Variants in FRAS1 observed in about 807,000 individuals in gnomAD.
The protein encoded by FRAS1 is extracellular matrix organizing protein FRAS1.
Under a neutral mutation model 435.2 loss-of-function variants are expected in FRAS1, and 290 were observed. That is an observed-to-expected ratio of 0.67 (90% CI 0.61 to 0.73). The LOEUF is 0.73. Among genes scored for constraint, FRAS1 ranks in the 30% least tolerant of loss-of-function variants. The pLI is 0.00. For synonymous variants in FRAS1, 1,800 were observed against 1,851.0 expected (o/e 0.97, Z 0.71); for missense variants, 4,860 against 5,001.5 (o/e 0.97, Z 0.85).
intron 2 of FRAS1, among the ~76,000 whole-genome samples, chr4:78,217,454 C>T (rs1460094136): frequency 1.3e-5 from 2 of 152,086 alleles, no homozygotes; most frequent in Non-Finnish European, 2.9e-5. Context: ...CTGTGCGGGA[C>T]TGCCAGAGCT....
chr4:78,337,559 A>G, intron 19 of FRAS1, 115 bp from the exon 20 acceptor site: 1 of 1,242,430 alleles, frequency 8.0e-7, no homozygotes, highest in Non-Finnish European at 1.1e-6. Context: ...GAATCTTCTA[A>G]AGATGATTAG....
intron 24 of FRAS1, among the ~76,000 whole-genome samples, chr4:78,373,723 C>T (rs549751267): frequency 3.9e-5 from 6 of 151,918 alleles, no homozygotes; most frequent in East Asian, 3.9e-4. Context: ...TGCGGTGAGC[C>T]GAGATTGTGC....
intron 15 of FRAS1, among the ~76,000 whole-genome samples, chr4:78,312,092 CCT>C (rs1350214252): frequency 1.3e-5 from 2 of 150,584 alleles, no homozygotes; most frequent in Non-Finnish European, 3.0e-5. Context: ...TTTAATAAGA[CCT>C]TTGCTAAGGT....
chr4:78,387,586 G>T lies in FRAS1; in HGVS notation c.3860G>T (p.Gly1287Val). 1 of 1,613,734 alleles carries T rather than the reference G, an allele frequency of 6.2e-7. No homozygotes were observed. Among genetic ancestry groups the T allele is most frequent in the Non-Finnish European group, 8.5e-7 (1 of 1,179,768 alleles). Residue 1287 changes from glycine to valine, a missense_variant, in exon 29 of 74, where the codon GGC (glycine) becomes GTC (valine). By Grantham distance (109) the Gly-to-Val change is moderately radical. Transcript: ENST00000512123. The stretch of plus-strand genomic sequence containing the variant: ...TTCCAGCTGGATGAACTCTCTAGAG[G>T]CCTTCTCCACTATGCTCATGATGGT... The part of the protein sequence containing the change: ...YQFQLDELSR[G>V]LLHYAHDGSD...
At chr4:78,059,414 A>T (rs1454010585) in intron 1 of FRAS1, among the ~76,000 whole-genome samples, 2 of 152,018 alleles carry the variant, frequency 1.3e-5, no homozygotes, top group African/African-American at 4.8e-5. Flanking sequence ...TCTCCGCGAA[A>T]GGCACATCTG....
At chr4:78,120,299 A>G (rs999187822) in intron 2 of FRAS1, among the ~76,000 whole-genome samples, 6 of 152,356 alleles carry the variant, frequency 3.9e-5, no homozygotes, top group African/African-American at 1.2e-4. Flanking sequence ...GCAGCAGGGC[A>G]AGAATCATCC....
intron 15 of FRAS1, among the ~76,000 whole-genome samples, chr4:78,308,441 C>T (rs139078775): frequency 2.6e-4 from 40 of 152,304 alleles, no homozygotes; most frequent in African/African-American, 7.7e-4. Flanking sequence ...AGCCTTGTCC[C>T]GCAGATGAAG....
At chr4:78,276,633 A>G (rs936489182) in intron 9 of FRAS1, among the ~76,000 whole-genome samples, 1 of 152,212 alleles carries the variant, frequency 6.6e-6, no homozygotes, top group African/African-American at 2.4e-5. Context: ...AACAGTGAAT[A>G]TTGCAGAACA....
Position 78,469,997 on chromosome 4 carries a change from A to T in FRAS1, c.7277A>T (p.Gln2426Leu), listed in dbSNP as rs369346838. ...GGKEIMTAAPQPFRVDILPVD... is the reference protein window; with the variant it reads ...GGKEIMTAAPLPFRVDILPVD... ...CTTCAGATTATGACAGCAGCACCTCAGCCGTTCCGAGTAGACATCCTCCCG... is the reference window on the plus strand; with the variant it reads ...CTTCAGATTATGACAGCAGCACCTCTGCCGTTCCGAGTAGACATCCTCCCG... The change falls in exon 51 of 74, where the codon CAG becomes CTG. Residue 2426 changes from glutamine (Q) to leucine (L), a missense_variant. Coordinates refer to ENST00000512123, the MANE Select transcript of FRAS1 (RefSeq NM_025074.7). 6.2e-7 allele frequency: 1 copy of T among 1,613,388 alleles called. No individual in the cohort carries two copies. Among genetic ancestry groups the T allele is most frequent in the African/African-American group, 1.3e-5 (1 of 74,874 alleles).
chr4:78,305,828 T>A (rs1384756693), intron 14 of FRAS1, among the ~76,000 whole-genome samples: 1 of 151,842 alleles, frequency 6.6e-6, no homozygotes, highest in African/African-American at 2.4e-5. Context: ...TTTGCCAGTC[T>A]GTGTCTTTTA....
intron 2 of FRAS1, among the ~76,000 whole-genome samples, chr4:78,204,050 A>G (rs911868513): frequency 3.3e-5 from 5 of 152,250 alleles, no homozygotes; most frequent in Non-Finnish European, 7.3e-5. Flanking sequence ...GTGTTAGGTA[A>G]GCTTCATTTA....
At position 78,470,831 on chromosome 4, in the gene FRAS1, A is replaced by T. The variant is rs576972375; in HGVS notation, c.7371+740A>T. On this transcript the variant is annotated intron_variant, in intron 51 of 73. Coordinates refer to ENST00000512123, the MANE Select transcript of FRAS1 (RefSeq NM_025074.7). ...TGTACCAGCATATGGGAAGGAGGAA[A>T]CAGAAAGAGAGGGGCAAGGAACTCC... is the stretch of plus-strand genomic sequence containing the variant. Among the ~76,000 whole-genome samples the T allele has an allele frequency of 3.3e-4, 50 of 152,168 alleles. 1 individual carries two copies. The highest frequency in any genetic ancestry group is 5.5e-4 in the African/African-American group (23 of 41,574).
At chr4:78,079,235 A>AT (rs767908620) in intron 2 of FRAS1, among the ~76,000 whole-genome samples, 3 of 151,768 alleles carry the variant, frequency 2.0e-5, no homozygotes, top group African/African-American at 4.9e-5. Flanking sequence ...GAAAAACCCC[A>AT]TTTTTTTGTC....
At position 78,384,259 on chromosome 4, in the gene FRAS1, G is replaced by A. The variant is rs1328159844; in HGVS notation, c.3648+116G>A. The A allele has an allele frequency of 3.8e-6, 3 of 783,244 alleles. No individual in the cohort carries two copies. In the African/African-American group the frequency reaches 5.3e-5, roughly 14 times the overall value. The allele number at this position is 783,244 out of a possible 1,614,324, so 48.5% of individuals were successfully genotyped here. A position where few individuals can be genotyped will look rare whatever the true frequency, so the allele number is the denominator to read the frequency against. ...ATTGCATTAAATTAATCTAGTCTTG[G>A]TTTCCTCTTGAGATGCCACTGGAGT... On this transcript the variant is annotated intron_variant, in intron 28 of 73. Coordinates refer to ENST00000512123, the MANE Select transcript of FRAS1 (RefSeq NM_025074.7).
chr4:78,115,958 T>G (rs551536440), intron 2 of FRAS1, among the ~76,000 whole-genome samples: 19 of 152,368 alleles, frequency 1.2e-4, no homozygotes, highest in African/African-American at 4.6e-4. Context: ...CTTTCTCTTG[T>G]GGACATTTAG....
chr4:78,379,785 A>T lies in FRAS1; in HGVS notation c.3352A>T (p.Ile1118Leu). 2 of 1,613,850 alleles carry T rather than the reference A, an allele frequency of 1.2e-6. No homozygotes were observed. The highest frequency in any genetic ancestry group is 2.2e-5 in the South Asian group (2 of 91,046). ...TTCCCTGATCCTCCCAATTGGTTCA[A>T]TAAAGCCACTGGATTTTTCCCTCCT... is the stretch of plus-strand genomic sequence containing the variant. Reference protein sequence around the residue: ...NGSLILPIGSIKPLDFSLLNV... With the variant: ...NGSLILPIGSLKPLDFSLLNV... Residue 1118 changes from isoleucine (I) to leucine (L), a missense_variant, in exon 27 of 74, where the codon ATA becomes TTA. Ile to Leu is a conservative substitution (Grantham distance 5). Coordinates refer to ENST00000512123, the MANE Select transcript of FRAS1 (RefSeq NM_025074.7).
intron 2 of FRAS1, among the ~76,000 whole-genome samples, chr4:78,180,108 A>G (rs1721935868): frequency 6.6e-6 from 1 of 152,194 alleles, no homozygotes; most frequent in Non-Finnish European, 1.5e-5. Flanking sequence ...TCATTCATTC[A>G]ACAACAAATT....
In FRAS1 at chr4:78,255,389, C is replaced by T; in HGVS notation, c.603+14C>T. On this transcript the variant is annotated intron_variant, in intron 6 of 73. Coordinates refer to ENST00000512123, the MANE Select transcript of FRAS1 (RefSeq NM_025074.7). ...TTTTGTAACCAGGTAAGGAAGACAACCTCAGCATGCAGCCTTCACGGGCTA... is the reference window on the plus strand; with the variant it reads ...TTTTGTAACCAGGTAAGGAAGACAATCTCAGCATGCAGCCTTCACGGGCTA... 1 of 1,581,902 alleles carries T rather than the reference C, an allele frequency of 6.3e-7. No individual in the cohort carries two copies. The highest frequency in any genetic ancestry group is 8.6e-7 in the Non-Finnish European group (1 of 1,162,658).
intron 32 of FRAS1, among the ~76,000 whole-genome samples, chr4:78,414,215 G>C (rs1015050005): frequency 1.3e-5 from 2 of 152,176 alleles, no homozygotes; most frequent in Admixed American, 1.3e-4. Context: ...ATTCTGACTG[G>C]AGGAACTTGG....
Sources: gnomAD v4.1 joint callset for allele counts (sites outside exome capture counted in the v4.1 genomes callset) on GRCh38, gnomAD v4.1.1 for gene constraint, MANE v1.5 for transcripts, NCBI Gene and HGNC (gene_info 2026-07-23, HGNC 2026-07-21) for gene names.